The following ASXL1 variants were observed in gnomAD, a reference collection of about 807,000 sequenced individuals.
ASXL1 encodes ASXL transcriptional regulator 1, also known as polycomb group protein ASXL1.
Under a neutral mutation model 89.1 loss-of-function variants are expected in ASXL1, and 65 were observed. That is an observed-to-expected ratio of 0.73 (90% CI 0.60 to 0.90). The LOEUF is 0.90. Among genes scored for constraint, ASXL1 ranks in the 40% least tolerant of loss-of-function variants. The probability of loss-of-function intolerance (pLI) is 0.00; values close to 1 mark genes in which losing one functional copy is unlikely to be tolerated. For missense variants in ASXL1, 1,786 were observed against 1,942.9 expected, an observed-to-expected ratio of 0.92 and a Z score of 1.52; for synonymous variants, 739 against 746.9, an observed-to-expected ratio of 0.99 and a Z score of 0.17.
intron 4 of ASXL1, among the ~76,000 whole-genome samples, chr20:32,397,505 T>C (rs1162556680): frequency 1.3e-5 from 2 of 149,070 alleles, no homozygotes; most frequent in Non-Finnish European, 3.0e-5. Context: ...GTTCAAGCAG[T>C]TCTCCTGCCT....
intron 4 of ASXL1, among the ~76,000 whole-genome samples, chr20:32,376,623 G>C (rs2048382586): frequency 6.6e-6 from 1 of 151,906 alleles, no homozygotes; most frequent in Non-Finnish European, 1.5e-5. Flanking sequence ...TTTAAAGGTA[G>C]TAGTGACACC....
Position 32,429,651 on chromosome 20 carries a change from G to A in ASXL1, c.565+220G>A. ...AGGGCAGTCGTGAGGATCCAACGGA[G>A]GATTTGATTATGCCAGTGCTTTGTA... On this transcript the variant is annotated intron_variant, in intron 7 of 12. Transcript: ENST00000375687. The surrounding 1 kb of genome is among the most constrained non-coding windows in gnomAD (Gnocchi z 4.9). The A allele has an allele frequency of 1.4e-6, 1 of 707,248 alleles. No individual in the cohort carries two copies. Among genetic ancestry groups the A allele is most frequent in the Non-Finnish European group, 2.3e-6 (1 of 426,132 alleles). 43.8% of individuals were successfully genotyped at this position (707,248 alleles called of 1,614,324 possible). A position where few individuals can be genotyped will look rare whatever the true frequency, so the allele number is the denominator to read the frequency against.
At chr20:32,409,733 A>G (rs555916743) in intron 4 of ASXL1, among the ~76,000 whole-genome samples, 11 of 152,116 alleles carry the variant, frequency 7.2e-5, no homozygotes, top group Non-Finnish European at 1.6e-4. Flanking sequence ...CTGGGCAACA[A>G]TAGTGAGATC....
intron 4 of ASXL1, among the ~76,000 whole-genome samples, chr20:32,412,866 A>G (rs1427220452): frequency 6.6e-6 from 1 of 152,122 alleles, no homozygotes; most frequent in Non-Finnish European, 1.5e-5. Flanking sequence ...GGTCAAGAAA[A>G]CAAATGGATA....
chr20:32,385,896 A>G (rs371009337), intron 4 of ASXL1, among the ~76,000 whole-genome samples: 2 of 152,318 alleles, frequency 1.3e-5, no homozygotes, highest in East Asian at 1.9e-4. Context: ...TCTTTCAGTA[A>G]TTTGAATTCC....
At chr20:32,433,066 T>C in intron 11 of ASXL1, 81 bp downstream of exon 11, 4 of 1,582,602 alleles carry the variant, frequency 2.5e-6, no homozygotes, top group Non-Finnish European at 3.4e-6. Context: ...CATATACTTA[T>C]GTGTTGGACA....
chr20:32,429,500 A>G lies in ASXL1; in HGVS notation c.565+69A>G. Reference sequence around the variant, plus strand: ...GGGGACCTGGCCTCCCTCTGTCAGCAGTTTCTGACCTAATAGTGCGATACT... The same window carrying G: ...GGGGACCTGGCCTCCCTCTGTCAGCGGTTTCTGACCTAATAGTGCGATACT... On this transcript the variant is annotated intron_variant, in intron 7 of 12. Transcript: ENST00000375687. The surrounding 1 kb of genome is among the most constrained non-coding windows in gnomAD (Gnocchi z 4.9). 5 of 1,498,598 alleles carry G rather than the reference A, an allele frequency of 3.3e-6. No individual in the cohort carries two copies. In the South Asian group the frequency reaches 5.6e-5, roughly 17 times the overall value. The allele number at this position is 1,498,598 out of a possible 1,614,324, so 92.8% of individuals were successfully genotyped here.
chr20:32,371,434 TA>T (rs1389347222), intron 4 of ASXL1, among the ~76,000 whole-genome samples: 3 of 151,954 alleles, frequency 2.0e-5, no homozygotes, highest in Admixed American at 2.0e-4. Context: ...TTCAGGCGCA[TA>T]CCACTATGCC....
chr20:32,383,903 A>G (rs927823898), intron 4 of ASXL1, among the ~76,000 whole-genome samples: 1 of 152,200 alleles, frequency 6.6e-6, no homozygotes, highest in African/African-American at 2.4e-5. Flanking sequence ...ACTGTCTGAC[A>G]TCCTGATCTC....
At chr20:32,372,094 G>A (rs545144586) in intron 4 of ASXL1, 5 of 1,339,206 alleles carry the variant, frequency 3.7e-6, no homozygotes, top group Non-Finnish European at 5.0e-6. Context: ...TTTGGCTCTG[G>A]GCAGAATTCT....
chr20:32,369,060 T>C lies in ASXL1; in HGVS notation c.189T>C (p.Asn63=), dbSNP rs779137945. The change falls in exon 4 of 13, where the codon AAT becomes AAC. Residue 63 remains asparagine (N), a synonymous_variant. Coordinates refer to ENST00000375687, the MANE Select transcript of ASXL1 (RefSeq NM_015338.6). ...GCCTCAATGCTATGCTACATTCCAATTCAAGAGGAGGAGAGGGGTTGTTTT... is the reference window on the plus strand; with the variant it reads ...GCCTCAATGCTATGCTACATTCCAACTCAAGAGGAGGAGAGGGGTTGTTTT... ...LACLNAMLHS[N]SRGGEGLFYK... The C allele has an allele frequency of 2.0e-5, 32 of 1,614,036 alleles. No individual in the cohort carries two copies. Among genetic ancestry groups the C allele is most frequent in the African/African-American group, 2.7e-5 (2 of 74,936 alleles).
intron 4 of ASXL1, among the ~76,000 whole-genome samples, chr20:32,369,431 T>A (rs1003474543): frequency 6.6e-6 from 1 of 151,998 alleles, no homozygotes; most frequent in East Asian, 1.9e-4. Context: ...TTATTTTTTT[T>A]AATAGAGACG....
At position 32,358,851 on chromosome 20, in the gene ASXL1, G is replaced by A. The variant is rs200198574; in HGVS notation, c.57+19G>A. ...GCGCCTGGTGAGGCGGACAGCCGAG[G>A]GGGGCTCCGTGGGGCCCGGGGTGGG... On this transcript the variant is annotated intron_variant, in intron 1 of 12. Coordinates refer to ENST00000375687, the MANE Select transcript of ASXL1 (RefSeq NM_015338.6). The A allele has an allele frequency of 8.4e-3, 12,617 of 1,504,616 alleles. 71 individuals carry two copies. The highest frequency in any genetic ancestry group is 9.9e-3 in the Non-Finnish European group (11,099 of 1,125,662). The allele number at this position is 1,504,616 out of a possible 1,614,324, so 93.2% of individuals were successfully genotyped here.
intron 4 of ASXL1, among the ~76,000 whole-genome samples, chr20:32,420,297 G>T (rs2049218615): frequency 6.6e-6 from 1 of 152,024 alleles, no homozygotes; most frequent in South Asian, 2.1e-4. Context: ...GCTCAGGAAA[G>T]ATATAAGGAA....
At chr20:32,426,238 C>G (rs890196394) in intron 4 of ASXL1, among the ~76,000 whole-genome samples, 12 of 152,042 alleles carry the variant, frequency 7.9e-5, no homozygotes, top group Admixed American at 1.3e-4. Flanking sequence ...TAATAGTTTT[C>G]CGTTGGCAGC....
At chr20:32,362,966 CTT>C (rs2048145391) in intron 1 of ASXL1, among the ~76,000 whole-genome samples, 1 of 151,976 alleles carries the variant, frequency 6.6e-6, no homozygotes, top group Non-Finnish European at 1.5e-5. Flanking sequence ...TATGCTTTAT[CTT>C]TTACTTTGAT....
chr20:32,394,564 C>T (rs1310505123), intron 4 of ASXL1, among the ~76,000 whole-genome samples: 2 of 152,166 alleles, frequency 1.3e-5, no homozygotes, highest in African/African-American at 2.4e-5. Flanking sequence ...TAATATTATA[C>T]CACTTCACCT....
chr20:32,381,284 A>T (rs763217063), intron 4 of ASXL1, among the ~76,000 whole-genome samples: 8 of 152,148 alleles, frequency 5.3e-5, no homozygotes, highest in Non-Finnish European at 8.8e-5. Context: ...GGCTCACTGC[A>T]GCCTTGACTT....
In ASXL1 at chr20:32,436,685, C is replaced by T. The variant is rs6057581; in HGVS notation, c.3973C>T (p.Leu1325Phe). The T allele has an allele frequency of 5.2e-3, 8,422 of 1,613,986 alleles. 333 individuals carry two copies. In the African/African-American group the frequency reaches 0.095, roughly 18 times the overall value. ...CCCCAGGCCTGCGGACCCGATGCCT[C>T]TTCCTGCTGAGATCCCTCCAGTTTT... ...QRPRPADPMP[L>F]PAEIPPVFPS... Residue 1325 changes from leucine to phenylalanine, a missense_variant, in exon 13 of 13, where the codon CTT becomes TTT. This residue lies in a region of ASXL1 where 1,418 missense variants were observed against 1,427.8 expected (regional missense o/e 0.99). Coordinates refer to ENST00000375687, the MANE Select transcript of ASXL1 (RefSeq NM_015338.6).
Sources: gnomAD v4.1 joint callset for allele counts (sites outside exome capture counted in the v4.1 genomes callset) on GRCh38, gnomAD v4.1.1 for gene constraint, gnomAD v4.1.1 regional missense constraint, Gnocchi (gnomAD v3.1) non-coding constraint, MANE v1.5 for transcripts, NCBI Gene and HGNC (gene_info 2026-07-23, HGNC 2026-07-21) for gene names.